The following ESYT3 variants were observed in gnomAD, a reference collection of about 807,000 sequenced individuals.
The protein encoded by ESYT3 is extended synaptotagmin-3.
ESYT3 carries 101 observed loss-of-function variants against 111.5 expected under a neutral mutation model. The ratio of observed to expected loss-of-function variants is 0.91; its 90% confidence interval spans 0.77 to 1.07. The LOEUF is 1.07. Ranked by LOEUF, ESYT3 falls within the 50% of genes least tolerant of loss-of-function variation. ESYT3 has a pLI of 0.00. For synonymous variants in ESYT3, 416 were observed against 446.8 expected, an observed-to-expected ratio of 0.93 and a Z score of 0.87; for missense variants, 1,097 against 1,109.4, an observed-to-expected ratio of 0.99 and a Z score of 0.16.
At chr3:138,452,229 C>CTT in intron 2 of ESYT3, 140 bp downstream of exon 2, 1 of 722,758 alleles carries the variant, frequency 1.4e-6, no homozygotes, top group South Asian at 1.8e-5. Flanking sequence ...TTTCCCTCTT[C>CTT]TTTCACCAGA....
Position 138,435,568 on chromosome 3 carries a change from C to T in ESYT3, c.327+443C>T, listed in dbSNP as rs1050507020. Reference sequence around the variant, plus strand: ...ACCGCAGTGACAGAAACGGCGGGCCCAGTTGCTTTCGGCCGAGGCCTGGAC... The same window carrying T: ...ACCGCAGTGACAGAAACGGCGGGCCTAGTTGCTTTCGGCCGAGGCCTGGAC... On this transcript the variant is annotated intron_variant, in intron 1 of 22. Transcript: ENST00000389567. This position sits in a 1 kb window ranked among gnomAD's most constrained non-coding sequence, Gnocchi z 4.8. Among the ~76,000 whole-genome samples, 49 of 152,316 alleles carry T rather than the reference C, an allele frequency of 3.2e-4. No individual in the cohort carries two copies. The highest frequency in any genetic ancestry group is 1.2e-3 in the African/African-American group (49 of 41,570).
chr3:138,468,096 A>T lies in ESYT3; in HGVS notation c.1219-9A>T, dbSNP rs1270554089. 6.2e-7 allele frequency: 1 copy of T among 1,613,614 alleles called. No homozygotes were observed. Among genetic ancestry groups the T allele is most frequent in the Non-Finnish European group, 8.5e-7 (1 of 1,179,876 alleles). On this transcript the variant is annotated splice_polypyrimidine_tract_variant and intron_variant, in intron 11 of 22. Transcript: ENST00000389567. ...CCTTTTCCCTGAGCTTTCTGCCCCT[A>T]CCCCACAGTGGTTTGTCCTGAATGA...
intron 2 of ESYT3, 113 bp downstream of exon 2, chr3:138,452,202 C>T (rs1238593734): frequency 3.2e-6 from 3 of 937,034 alleles, no homozygotes; most frequent in South Asian, 1.6e-5. Flanking sequence ...TTGCCTGACG[C>T]GGGCAGGGAT....
chr3:138,475,514 A>G (rs1423476151), intron 20 of ESYT3, among the ~76,000 whole-genome samples: 1 of 152,184 alleles, frequency 6.6e-6, no homozygotes, highest in Non-Finnish European at 1.5e-5. Flanking sequence ...TTTCCATGCA[A>G]CTGTAGCAAA....
chr3:138,437,521 G>A (rs1474650271), intron 1 of ESYT3, among the ~76,000 whole-genome samples: 1 of 152,202 alleles, frequency 6.6e-6, no homozygotes, highest in Non-Finnish European at 1.5e-5. Flanking sequence ...GCATGAGGGG[G>A]CGCTGTGTGC....
At position 138,452,032 on chromosome 3, in the gene ESYT3, G is replaced by T; in HGVS notation, c.328-16G>T. On this transcript the variant is annotated splice_polypyrimidine_tract_variant and intron_variant, in intron 1 of 22. Coordinates refer to ENST00000389567, the MANE Select transcript of ESYT3 (RefSeq NM_031913.5). Reference sequence around the variant, plus strand: ...GCGGCTTCTAGTCTAACTTCCCCTCGGGGCTTCTTTCCTAGATCCACTTCC... The same window carrying T: ...GCGGCTTCTAGTCTAACTTCCCCTCTGGGCTTCTTTCCTAGATCCACTTCC... The T allele has an allele frequency of 6.2e-7, 1 of 1,613,474 alleles. No individual in the cohort carries two copies. The highest frequency in any genetic ancestry group is 2.2e-5 in the East Asian group (1 of 44,868).
At chr3:138,442,798 G>T (rs552796810) in intron 1 of ESYT3, among the ~76,000 whole-genome samples, 1 of 152,188 alleles carries the variant, frequency 6.6e-6, no homozygotes, top group South Asian at 2.1e-4. Context: ...AATGCCTGCC[G>T]TGTAAATCTT....
intron 11 of ESYT3, 135 bp from the exon 12 acceptor site, chr3:138,467,970 G>C (rs1369190039): frequency 1.4e-6 from 1 of 706,676 alleles, no homozygotes; most frequent in East Asian, 2.7e-5. Context: ...TGTCTGGGCT[G>C]GTCCACCTTT....
chr3:138,468,551 G>T, intron 12 of ESYT3, 104 bp from the exon 13 acceptor site: 1 of 1,173,502 alleles, frequency 8.5e-7, no homozygotes, highest in Non-Finnish European at 1.3e-6. Context: ...AGTCTGGAGT[G>T]TGAAGGCTAG....
chr3:138,447,155 C>T (rs1397673248), intron 1 of ESYT3, among the ~76,000 whole-genome samples: 1 of 152,094 alleles, frequency 6.6e-6, no homozygotes, highest in Non-Finnish European at 1.5e-5. Context: ...TTAATACATC[C>T]CTTTCTGAAA....
rs2033078471 is a variant in ESYT3 at position 138,468,948 on chromosome 3, C to G, written c.1434+67C>G. The G allele has an allele frequency of 2.0e-6, 3 of 1,503,386 alleles. No individual in the cohort carries two copies. The East Asian group carries it at 6.8e-5, about 34-fold the overall frequency. The allele number at this position is 1,503,386 out of a possible 1,614,324, so 93.1% of individuals were successfully genotyped here. On this transcript the variant is annotated intron_variant, in intron 14 of 22. Coordinates refer to ENST00000389567, the MANE Select transcript of ESYT3 (RefSeq NM_031913.5). ...ACAGCTTCTCTCCCCAGAGTAACCA[C>G]AACCCCATGTCTTCTGGGCCACAGT...
At chr3:138,465,300 C>A in intron 9 of ESYT3, 39 bp from the exon 10 acceptor site, 1 of 1,485,654 alleles carries the variant, frequency 6.7e-7, no homozygotes, top group Non-Finnish European at 9.2e-7. Flanking sequence ...GTCAGGTCGA[C>A]TGTTGCCTGC....
At chr3:138,441,660 A>G (rs574442673) in intron 1 of ESYT3, among the ~76,000 whole-genome samples, 14 of 152,314 alleles carry the variant, frequency 9.2e-5, no homozygotes, top group African/African-American at 3.1e-4. Context: ...AGCAGAGTTC[A>G]GGGATTTCTA....
chr3:138,472,108 C>CT (rs1220169131), intron 17 of ESYT3, among the ~76,000 whole-genome samples: 1 of 152,062 alleles, frequency 6.6e-6, no homozygotes, highest in Non-Finnish European at 1.5e-5. Context: ...CAGATTTTTT[C>CT]TTTTTTTAAC....
rs2033268839 is a variant in ESYT3 at position 138,472,426 on chromosome 3, G to A, written c.1804G>A (p.Gly602Ser). ...CACAGGACCTGAAGCCCTAAAGAAAGGCCCTCTGCTCATCAAGAAAGTGGC... is the reference window on the plus strand; with the variant it reads ...CACAGGACCTGAAGCCCTAAAGAAAAGCCCTCTGCTCATCAAGAAAGTGGC... ...PYTGPEALKKGPLLIKKVATN... is the reference protein window; with the variant it reads ...PYTGPEALKKSPLLIKKVATN... The change falls in exon 18 of 23, where the codon GGC (glycine) becomes AGC (serine). Residue 602 changes from glycine (G) to serine (S), a missense_variant. Coordinates refer to ENST00000389567, the MANE Select transcript of ESYT3 (RefSeq NM_031913.5). 1 of 1,614,030 alleles carries A rather than the reference G, an allele frequency of 6.2e-7. No homozygotes were observed. The highest frequency in any genetic ancestry group is 1.3e-5 in the African/African-American group (1 of 74,928).
At chr3:138,471,771 T>C (rs1477428575) in intron 17 of ESYT3, among the ~76,000 whole-genome samples, 1 of 152,204 alleles carries the variant, frequency 6.6e-6, no homozygotes, top group East Asian at 1.9e-4. Context: ...CTTGAGTCCA[T>C]TTTTGTGTAT....
chr3:138,476,730 G>T (rs2033501206), intron 22 of ESYT3, 88 bp from the exon 23 acceptor site: 1 of 1,352,160 alleles, frequency 7.4e-7, no homozygotes, highest in African/African-American at 1.4e-5. Context: ...TCTTACAGAG[G>T]CCCAGGCAGG....
At chr3:138,467,358 C>T (rs2032980095) in intron 10 of ESYT3, among the ~76,000 whole-genome samples, 1 of 152,182 alleles carries the variant, frequency 6.6e-6, no homozygotes, top group African/African-American at 2.4e-5. Context: ...CCAAGTAGCA[C>T]ACCCAGTGGG....
Position 138,464,518 on chromosome 3 carries a change from A to G in ESYT3, c.1086+3A>G. 1 of 1,613,826 alleles carries G rather than the reference A, an allele frequency of 6.2e-7. No homozygotes were observed. The highest frequency in any genetic ancestry group is 8.5e-7 in the Non-Finnish European group (1 of 1,179,864). On this transcript the variant is annotated splice_donor_region_variant and intron_variant, in intron 9 of 22. Coordinates refer to ENST00000389567, the MANE Select transcript of ESYT3 (RefSeq NM_031913.5). ...CCACCTGGAACGAAGTGTTTGAGGTAAGGGTCTCCTTGGCTGCTTCTAGCC... is the reference window on the plus strand; with the variant it reads ...CCACCTGGAACGAAGTGTTTGAGGTGAGGGTCTCCTTGGCTGCTTCTAGCC...
Sources: gnomAD v4.1 joint callset for allele counts (sites outside exome capture counted in the v4.1 genomes callset) on GRCh38, gnomAD v4.1.1 for gene constraint, Gnocchi (gnomAD v3.1) non-coding constraint, MANE v1.5 for transcripts, NCBI Gene and HGNC (gene_info 2026-07-23, HGNC 2026-07-21) for gene names.